The following SUSD1 variants were observed in gnomAD, a reference collection of about 807,000 sequenced individuals.
SUSD1 encodes the protein sushi domain containing 1, also known as sushi domain-containing protein 1.
SUSD1 carries 65 observed loss-of-function variants against 86.9 expected under a neutral mutation model. That is an observed-to-expected ratio of 0.75 (90% CI 0.61 to 0.92). The LOEUF is 0.92. Among genes scored for constraint, SUSD1 ranks in the 40% least tolerant of loss-of-function variants. The pLI is 0.00. For synonymous variants in SUSD1, 346 were observed against 350.0 expected, an observed-to-expected ratio of 0.99 and a Z score of 0.13; for missense variants, 850 against 929.7, an observed-to-expected ratio of 0.91 and a Z score of 1.11.
chr9:112,059,013 C>T (rs912970832), intron 13 of SUSD1, among the ~76,000 whole-genome samples: 5 of 152,174 alleles, frequency 3.3e-5, no homozygotes, highest in African/African-American at 1.2e-4. Context: ...AGGCTTGTCT[C>T]GATCTCTTGA....
intron 9 of SUSD1, among the ~76,000 whole-genome samples, chr9:112,100,143 T>A (rs1830568053): frequency 6.6e-6 from 1 of 152,238 alleles, no homozygotes. Flanking sequence ...TCCAGTCAAT[T>A]TAAAAGTGTT....
chr9:112,110,563 C>CTTTTTTTTTTTTTT (rs913064649), intron 8 of SUSD1, among the ~76,000 whole-genome samples: 13 of 143,528 alleles, frequency 9.1e-5, no homozygotes, highest in African/African-American at 3.0e-4. Flanking sequence ...AATTTTCTTT[C>CTTTTTTTTTTTTTT]TTTTTTTTTT....
intron 1 of SUSD1, among the ~76,000 whole-genome samples, chr9:112,158,728 C>T (rs774182729): frequency 3.9e-5 from 6 of 152,078 alleles, no homozygotes; most frequent in African/African-American, 1.2e-4. Flanking sequence ...AATGCATCTT[C>T]CTCTGTGCTC....
At chr9:112,094,023 A>G (rs1830302301) in intron 10 of SUSD1, among the ~76,000 whole-genome samples, 1 of 152,172 alleles carries the variant, frequency 6.6e-6, no homozygotes, top group African/African-American at 2.4e-5. Flanking sequence ...TTATGTGGTT[A>G]GAGCAATGCG....
At chr9:112,105,876 G>A (rs992079941) in intron 8 of SUSD1, among the ~76,000 whole-genome samples, 3 of 152,032 alleles carry the variant, frequency 2.0e-5, no homozygotes, top group African/African-American at 7.3e-5. Flanking sequence ...CATAATAGGT[G>A]GTCAATAAAC....
intron 6 of SUSD1, among the ~76,000 whole-genome samples, chr9:112,119,730 G>A (rs975469034): frequency 1.1e-4 from 16 of 152,110 alleles, no homozygotes; most frequent in South Asian, 6.2e-4. Flanking sequence ...TTCCAGACAC[G>A]AAAGTGATTG....
intron 5 of SUSD1, among the ~76,000 whole-genome samples, chr9:112,128,177 C>T (rs552218686): frequency 1.2e-4 from 19 of 152,154 alleles, no homozygotes; most frequent in South Asian, 4.1e-4. Context: ...ATTGCAACCT[C>T]TGCCTCCCAG....
intron 14 of SUSD1, among the ~76,000 whole-genome samples, chr9:112,054,657 TG>T (rs1275250129): frequency 6.6e-6 from 1 of 151,966 alleles, no homozygotes; most frequent in East Asian, 1.9e-4. Flanking sequence ...AGAATGAATA[TG>T]GACCCTTACC....
At chr9:112,121,579 G>A (rs185589876) in intron 6 of SUSD1, among the ~76,000 whole-genome samples, 9 of 152,232 alleles carry the variant, frequency 5.9e-5, no homozygotes, top group East Asian at 1.9e-4. Context: ...CCCCAACATC[G>A]TTATGAACCA....
intron 2 of SUSD1, among the ~76,000 whole-genome samples, chr9:112,152,472 G>T (rs1833096433): frequency 6.6e-6 from 1 of 151,030 alleles, no homozygotes; most frequent in Admixed American, 6.6e-5. Flanking sequence ...TGTGATCATA[G>T]CTCACTGCAA....
At chr9:112,069,361 T>G (rs1266375492) in intron 12 of SUSD1, among the ~76,000 whole-genome samples, 2 of 152,110 alleles carry the variant, frequency 1.3e-5, no homozygotes, top group Non-Finnish European at 2.9e-5. Context: ...CTCACATCAC[T>G]CATTTGTTGA....
chr9:112,064,877 GAAA>G (rs558673175), intron 12 of SUSD1, among the ~76,000 whole-genome samples: 6 of 88,008 alleles, frequency 6.8e-5, no homozygotes, highest in Admixed American at 6.3e-4. Context: ...CTCTGTCTCA[GAAA>G]AAAAAAAAAA....
At chr9:112,051,408 CTTTTT>C (rs746946192) in intron 15 of SUSD1, among the ~76,000 whole-genome samples, 15 of 77,034 alleles carry the variant, frequency 1.9e-4, no homozygotes, top group African/African-American at 4.8e-4. Context: ...TTTTTCTTTT[CTTTTT>C]TTTTTTTTTT....
chr9:112,098,890 T>C (rs1221229436), intron 9 of SUSD1, among the ~76,000 whole-genome samples: 1 of 152,218 alleles, frequency 6.6e-6, no homozygotes, highest in Non-Finnish European at 1.5e-5. Flanking sequence ...CATAACTACA[T>C]CTCAGATGAA....
At chr9:112,169,838 C>T (rs1184375220) in intron 1 of SUSD1, among the ~76,000 whole-genome samples, 1 of 152,054 alleles carries the variant, frequency 6.6e-6, no homozygotes, top group Admixed American at 6.6e-5. Context: ...CCATGCCCCG[C>T]TAATTTTTGC....
chr9:112,065,137 C>T (rs2131509372), intron 12 of SUSD1, among the ~76,000 whole-genome samples: 1 of 152,266 alleles, frequency 6.6e-6, no homozygotes, highest in East Asian at 1.9e-4. Context: ...CTTACACACC[C>T]CTCTCATTCA....
chr9:112,173,824 T>C, intron 1 of SUSD1: 1 of 275,092 alleles, frequency 3.6e-6, no homozygotes, highest in Admixed American at 3.6e-5. Flanking sequence ...CCCCTCTTAT[T>C]GTGCTTCTTG....
chr9:112,108,774 C>CAAAAAAAAAAA (rs11312103), intron 8 of SUSD1, among the ~76,000 whole-genome samples: 8 of 68,584 alleles, frequency 1.2e-4, no homozygotes, highest in East Asian at 3.4e-4. Context: ...CTGGGTGTCT[C>CAAAAAAAAAAA]AAAAAAAAAA....
chr9:112,136,182 A>G (rs1316118012), intron 5 of SUSD1, among the ~76,000 whole-genome samples: 1 of 152,216 alleles, frequency 6.6e-6, no homozygotes. Context: ...AGATCAGTAT[A>G]TCGTGAGGTG....
Sources: allele counts gnomAD v4.1 joint callset (sites outside exome capture counted in the v4.1 genomes callset), GRCh38; gene constraint gnomAD v4.1.1; transcripts MANE v1.5; gene names NCBI Gene and HGNC (gene_info 2026-07-23, HGNC 2026-07-21).